The following MARCHF10 variants were observed in gnomAD, a reference collection of about 807,000 sequenced individuals.
The protein encoded by MARCHF10 is probable E3 ubiquitin-protein ligase MARCHF10.
Under a neutral mutation model 76.2 loss-of-function variants are expected in MARCHF10, and 64 were observed. The ratio of observed to expected loss-of-function variants is 0.84; its 90% CI spans 0.69 to 1.03. The LOEUF (loss-of-function observed/expected upper bound fraction) is 1.03. MARCHF10 is among the 50% of genes least tolerant of loss of function. The probability of loss-of-function intolerance (pLI) is 0.00; values close to 1 mark genes in which losing one functional copy is unlikely to be tolerated. For missense variants in MARCHF10, 875 were observed against 958.0 expected (o/e 0.91, Z 1.14); for synonymous variants, 340 against 357.5 (o/e 0.95, Z 0.55).
chr17:62,718,524 T>A (rs2090330674), intron 8 of MARCHF10, among the ~76,000 whole-genome samples: 1 of 152,230 alleles, frequency 6.6e-6, no homozygotes, highest in Non-Finnish European at 1.5e-5. Flanking sequence ...TAGATTGCTC[T>A]GATAGATAGT....
At chr17:62,801,808 T>C (rs2093079731) in intron 1 of MARCHF10, 56 bp from the exon 2 acceptor site, 1 of 1,202,300 alleles carries the variant, frequency 8.3e-7, no homozygotes, top group Non-Finnish European at 1.2e-6. Context: ...CGTGATGCCG[T>C]ATTTGGATTT....
chr17:62,706,038 TG>T (rs760008939), intron 9 of MARCHF10, among the ~76,000 whole-genome samples: 1 of 152,338 alleles, frequency 6.6e-6, no homozygotes, highest in Non-Finnish European at 1.5e-5. Context: ...TCTGACTTTA[TG>T]GCATTTTATG....
intron 9 of MARCHF10, among the ~76,000 whole-genome samples, chr17:62,709,844 G>A (rs2089819500): frequency 2.0e-5 from 3 of 152,170 alleles, no homozygotes; most frequent in South Asian, 4.2e-4. Context: ...TCAGCCTCCC[G>A]GCAGCATCAA....
intron 6 of MARCHF10, chr17:62,735,290 T>A (rs1250323462): frequency 6.6e-6 from 1 of 152,212 alleles, no homozygotes; most frequent in Non-Finnish European, 1.5e-5. Flanking sequence ...GTATCACATT[T>A]CATAGCTGTG....
rs1423306395 is a variant in MARCHF10, at chr17:62,737,220, A to T, written c.648T>A (p.Asp216Glu). ...CACTCGGGTCTCCTTTTTTGGCTCTATCAGGGGCGTTCTCAGTCATTGGCT... is the reference window on the plus strand; with the variant it reads ...CACTCGGGTCTCCTTTTTTGGCTCTTTCAGGGGCGTTCTCAGTCATTGGCT... ...SSQPMTENAP[D>E]RAKKGDPSAP... Residue 216 changes from aspartate to glutamate, a missense_variant, in exon 6 of 11, where the codon GAT becomes GAA. By Grantham distance (45) the Asp-to-Glu change is conservative (BLOSUM62 2). Coordinates refer to ENST00000311269, the MANE Select transcript of MARCHF10 (RefSeq NM_152598.4). 6.2e-7 allele frequency: 1 copy of T among 1,613,940 alleles called. No homozygotes were observed. Among genetic ancestry groups the T allele is most frequent in the East Asian group, 2.2e-5 (1 of 44,868 alleles).
chr17:62,737,069 C>A lies in MARCHF10; in HGVS notation c.799G>T (p.Ala267Ser). Residue 267 changes from alanine to serine, a missense_variant, in exon 6 of 11, where the codon GCA becomes TCA. Coordinates refer to ENST00000311269, the MANE Select transcript of MARCHF10 (RefSeq NM_152598.4). ...TCTTCATCTCGGAACCTAAATGATG[C>A]CTTTCTTGGCCCTCCTACAGTGGTG... ...TPTTVGGPRK[A>S]SFRFRDEDFY... The A allele has an allele frequency of 6.2e-7, 1 of 1,614,064 alleles. No individual in the cohort carries two copies. Among genetic ancestry groups the A allele is most frequent in the South Asian group, 1.1e-5 (1 of 91,056 alleles).
In MARCHF10 at chr17:62,744,368, G is replaced by C. The variant is rs374959594; in HGVS notation, c.535+8C>G. ...AAGGACAAAGGTTCGGGAGCCCCGGGTCCTTACCTGCTCCCCTGGGAACCG... is the reference window on the plus strand; with the variant it reads ...AAGGACAAAGGTTCGGGAGCCCCGGCTCCTTACCTGCTCCCCTGGGAACCG... On this transcript the variant is annotated splice_region_variant and intron_variant, in intron 5 of 10. Coordinates refer to ENST00000311269, the MANE Select transcript of MARCHF10 (RefSeq NM_152598.4). 6.2e-7 allele frequency: 1 copy of C among 1,612,824 alleles called. No individual in the cohort carries two copies. Among genetic ancestry groups the C allele is most frequent in the African/African-American group, 1.3e-5 (1 of 74,844 alleles).
intron 8 of MARCHF10, among the ~76,000 whole-genome samples, chr17:62,717,194 A>C (rs1452982081): frequency 6.6e-6 from 1 of 152,248 alleles, no homozygotes; most frequent in Non-Finnish European, 1.5e-5. Context: ...GTGAGCAGAC[A>C]GGCACTATGA....
chr17:62,774,246 G>C (rs2092504343), intron 3 of MARCHF10, among the ~76,000 whole-genome samples: 1 of 152,122 alleles, frequency 6.6e-6, no homozygotes, highest in Non-Finnish European at 1.5e-5. Context: ...TGGCAGAGTG[G>C]GACGGAGGAG....
At chr17:62,740,756 A>G (rs190228497) in intron 5 of MARCHF10, among the ~76,000 whole-genome samples, 1 of 151,910 alleles carries the variant, frequency 6.6e-6, no homozygotes, top group East Asian at 1.9e-4. Context: ...CCTCCTGAGT[A>G]GCTGGGACTA....
rs1047317407 is a variant in MARCHF10 at position 62,711,884 on chromosome 17, C to T, written c.2215-540G>A. Among the ~76,000 whole-genome samples, 1 of 152,332 alleles carries T rather than the reference C, an allele frequency of 6.6e-6. No homozygotes were observed. Among genetic ancestry groups the T allele is most frequent in the East Asian group, 1.9e-4 (1 of 5,182 alleles). On this transcript the variant is annotated intron_variant, in intron 8 of 10. Transcript: ENST00000311269. This position sits in a 1 kb window ranked among gnomAD's most constrained non-coding sequence, Gnocchi z 4.4. ...CCATCATTCCTTTGCTTCCCAGTCC[C>T]TAAGCATTCGTCTTGATCTTGCATA...
intron 3 of MARCHF10, among the ~76,000 whole-genome samples, chr17:62,764,800 C>T (rs2092289981): frequency 6.6e-6 from 1 of 152,190 alleles, no homozygotes; most frequent in South Asian, 2.1e-4. Context: ...TTTCTCTTGT[C>T]TAGAAAAAAA....
chr17:62,724,855 G>A, intron 7 of MARCHF10, 83 bp downstream of exon 7: 3 of 1,489,360 alleles, frequency 2.0e-6, no homozygotes, highest in East Asian at 2.4e-5. Context: ...GTGAGCTGAT[G>A]ACAAGGCTCC....
At chr17:62,790,421 C>G (rs1271898725) in intron 2 of MARCHF10, among the ~76,000 whole-genome samples, 1 of 152,208 alleles carries the variant, frequency 6.6e-6, no homozygotes, top group Non-Finnish European at 1.5e-5. Flanking sequence ...GGTGATCGGC[C>G]TGCCTCAGCC....
At chr17:62,739,542 C>T (rs908773968) in intron 5 of MARCHF10, among the ~76,000 whole-genome samples, 3 of 151,830 alleles carry the variant, frequency 2.0e-5, no homozygotes, top group South Asian at 2.1e-4. Context: ...CCACCAAGCC[C>T]GGCTAATTTT....
chr17:62,733,388 T>A lies in MARCHF10; in HGVS notation c.1937+2543A>T, dbSNP rs149295405. On this transcript the variant is annotated intron_variant, in intron 6 of 10. Transcript: ENST00000311269. ...ATATAAAATGCCTAACTTCATTAAGTCATGAAAATGCAAACTCAAGCTACA... is the reference window on the plus strand; with the variant it reads ...ATATAAAATGCCTAACTTCATTAAGACATGAAAATGCAAACTCAAGCTACA... 1.9e-3 allele frequency among the ~76,000 whole-genome samples: 283 copies of A among 152,332 alleles called. 1 individual carries two copies. The highest frequency in any genetic ancestry group is 5.2e-3 in the East Asian group (27 of 5,190).
intron 3 of MARCHF10, among the ~76,000 whole-genome samples, chr17:62,786,843 C>T (rs996333598): frequency 1.1e-4 from 16 of 152,170 alleles, no homozygotes; most frequent in African/African-American, 3.4e-4. Flanking sequence ...TGACTGTGCA[C>T]GTGAGCCTCT....
At position 62,737,262 on chromosome 17, in the gene MARCHF10, G is replaced by GTTTC; in HGVS notation, c.602_605dup (p.Asn202LysfsTer12). On this transcript the variant is annotated frameshift_variant, in exon 6 of 11. Transcript: ENST00000311269. LOFTEE classifies it high-confidence loss of function. ...TCATTGGCTGTGACGATGGGACCAAGTTTCTTCTCTCTTGATTTGGCCTCT... is the reference window on the plus strand; with the variant it reads ...TCATTGGCTGTGACGATGGGACCAAGTTTCTTTCTTCTCTCTTGATTTGGCCTCT... 6.2e-7 allele frequency: 1 copy of GTTTC among 1,613,760 alleles called. No individual in the cohort carries two copies. The highest frequency in any genetic ancestry group is 1.1e-5 in the South Asian group (1 of 90,996).
intron 6 of MARCHF10, among the ~76,000 whole-genome samples, chr17:62,726,973 G>C (rs994695037): frequency 1.3e-5 from 2 of 152,202 alleles, no homozygotes; most frequent in African/African-American, 2.4e-5. Flanking sequence ...TTTGCATTTG[G>C]AAACAAGTGC....
Sources: allele counts gnomAD v4.1 joint callset (sites outside exome capture counted in the v4.1 genomes callset), GRCh38; gene constraint gnomAD v4.1.1; non-coding constraint Gnocchi (gnomAD v3.1); transcripts MANE v1.5; gene names NCBI Gene and HGNC (gene_info 2026-07-23, HGNC 2026-07-21).